The following RPL26L1 variants were observed in gnomAD, a reference collection of about 807,000 sequenced individuals.
RPL26L1 encodes ribosomal protein uL24-like.
In RPL26L1, 8 loss-of-function variants were observed where a neutral mutation model predicts 15.2. The observed-to-expected ratio is 0.53, with a 90% CI of 0.31 to 0.95. RPL26L1 has a LOEUF of 0.95. RPL26L1 is among the 40% of genes least tolerant of loss of function. The pLI is 0.05. For missense variants in RPL26L1, 146 were observed against 190.9 expected, an observed-to-expected ratio of 0.76 and a Z score of 1.39; for synonymous variants, 51 against 65.9, an observed-to-expected ratio of 0.77 and a Z score of 1.09.
At chr5:172,957,920 G>T, upstream of RPL26L1, 1 of 180,612 alleles carries the variant, frequency 5.5e-6, no homozygotes, top group Non-Finnish European at 1.2e-5. Flanking sequence ...CCCAGGTGTG[G>T]CCATCCTCCA....
chr5:172,960,890 T>C (rs989045533), intron 2 of RPL26L1, among the ~76,000 whole-genome samples: 54 of 122,564 alleles, frequency 4.4e-4, no homozygotes, highest in African/African-American at 1.7e-3. Flanking sequence ...ATTGATATGT[T>C]GGACTGGATA....
At chr5:172,957,216 G>C (rs538749967), upstream of RPL26L1, 102 of 456,274 alleles carry the variant, frequency 2.2e-4, no homozygotes, top group Middle Eastern at 9.8e-4. Context: ...GTGGGCATGA[G>C]ACAAGACAGC....
At chr5:172,967,467 A>AAAATAAATAAATAAATAAATAAAT (rs568434838) in intron 2 of RPL26L1, among the ~76,000 whole-genome samples, 13 of 152,072 alleles carry the variant, frequency 8.5e-5, no homozygotes, top group African/African-American at 2.9e-4. Context: ...CTCCGTGTCA[A>AAAATAAATAAATAAATAAATAAAT]AAATAAATAA....
intron 2 of RPL26L1, among the ~76,000 whole-genome samples, chr5:172,962,591 G>A (rs1755279822): frequency 6.6e-6 from 1 of 151,986 alleles, no homozygotes; most frequent in Non-Finnish European, 1.5e-5. Context: ...GCTGTGGCAG[G>A]CAGATCATGA....
chr5:172,957,162 TC>T (rs749673193), upstream of RPL26L1: 1 of 456,020 alleles, frequency 2.2e-6, no homozygotes, highest in South Asian at 1.5e-5. Context: ...ACCAGACACT[TC>T]CTCTGTGCTA....
intron 2 of RPL26L1, among the ~76,000 whole-genome samples, chr5:172,964,392 TCTC>T (rs1755372288): frequency 6.7e-6 from 1 of 148,412 alleles, no homozygotes; most frequent in Non-Finnish European, 1.5e-5. Flanking sequence ...TTCAAGCCAT[TCTC>T]CTCCCTCAGC....
chr5:172,962,083 T>A (rs761861303), intron 2 of RPL26L1, among the ~76,000 whole-genome samples: 10 of 152,256 alleles, frequency 6.6e-5, no homozygotes, highest in Non-Finnish European at 1.2e-4. Flanking sequence ...CCATCAAGGC[T>A]TGTTGATTCT....
upstream of RPL26L1, chr5:172,957,591 T>C: frequency 3.6e-6 from 1 of 276,150 alleles, no homozygotes; most frequent in East Asian, 1.0e-4. Context: ...GATAGAGAAA[T>C]GAGTGAATAA....
At chr5:172,961,517 C>T (rs998912080) in intron 2 of RPL26L1, among the ~76,000 whole-genome samples, 12 of 152,204 alleles carry the variant, frequency 7.9e-5, no homozygotes, top group African/African-American at 2.9e-4. Context: ...CCAGCTACTA[C>T]ACTTTGTTCT....
upstream of RPL26L1, chr5:172,958,179 G>A (rs1228091155): frequency 1.4e-5 from 5 of 356,198 alleles, no homozygotes; most frequent in Non-Finnish European, 2.8e-5. Flanking sequence ...CAGGAGAATC[G>A]CTTGAACTTG....
At chr5:172,956,688 A>G (rs1754987130), upstream of RPL26L1, among the ~76,000 whole-genome samples, 1 of 152,176 alleles carries the variant, frequency 6.6e-6, no homozygotes, top group Non-Finnish European at 1.5e-5. Flanking sequence ...CTGTAATCCC[A>G]GCACTTTGGG....
At position 172,959,457 on chromosome 5, in the gene RPL26L1, G is replaced by A. The variant is rs185099622; in HGVS notation, c.-21G>A. 1.6e-4 allele frequency: 164 copies of A among 1,015,344 alleles called. No individual in the cohort carries two copies. In the African/African-American group the frequency reaches 2.6e-3, roughly 16 times the overall value. The allele number at this position is 1,015,344 out of a possible 1,614,324, so 62.9% of individuals were successfully genotyped here. ...CCCTGCGCACTCAGGGTCTGAGGCA[G>A]CTAGTAGCCGGGTGAGTGGAGGCTG... On this transcript the variant is annotated 5_prime_UTR_variant, in exon 1 of 4. Transcript: ENST00000265100.
chr5:172,958,488 G>C (rs1755070319), upstream of RPL26L1: 2 of 455,374 alleles, frequency 4.4e-6, no homozygotes, highest in African/African-American at 4.0e-5. Context: ...AGGGAGAGTT[G>C]GAGTTAATAA....
chr5:172,964,714 C>T (rs1241654292), intron 2 of RPL26L1, among the ~76,000 whole-genome samples: 7 of 152,236 alleles, frequency 4.6e-5, no homozygotes, highest in Admixed American at 2.6e-4. Context: ...CCTCCTCTCA[C>T]GGGATCTTCT....
intron 3 of RPL26L1, among the ~76,000 whole-genome samples, chr5:172,969,185 G>A (rs78426297): frequency 0.056 from 8,475 of 152,098 alleles, 611 homozygotes; most frequent in African/African-American, 0.16. Context: ...AATATTCAGA[G>A]GAATAAGAGA....
At chr5:172,959,702 A>C in intron 1 of RPL26L1, 163 bp from the exon 2 acceptor site, 1 of 1,082,238 alleles carries the variant, frequency 9.2e-7, no homozygotes, top group Admixed American at 2.5e-5. Context: ...ACTTTATGTG[A>C]TAGTCAGACT....
chr5:172,964,240 G>T (rs1035624077), intron 2 of RPL26L1, among the ~76,000 whole-genome samples: 3 of 148,238 alleles, frequency 2.0e-5, no homozygotes, highest in Non-Finnish European at 4.4e-5. Flanking sequence ...CTCCCAAAGT[G>T]CTGGGATTAC....
rs559560261 is a variant in RPL26L1, at chr5:172,969,694, A to G, written c.*153A>G. ...TTTTGCAATTTTAAGTAATAATTTTATGAATAAAAATGGGAAATGCTTCCT... is the reference window on the plus strand; with the variant it reads ...TTTTGCAATTTTAAGTAATAATTTTGTGAATAAAAATGGGAAATGCTTCCT... On this transcript the variant is annotated 3_prime_UTR_variant, in exon 4 of 4. Coordinates refer to ENST00000265100, the MANE Select transcript of RPL26L1 (RefSeq NM_016093.4). 3.1e-6 allele frequency: 2 copies of G among 649,168 alleles called. No individual in the cohort carries two copies. The highest frequency in any genetic ancestry group is 5.0e-6 in the Non-Finnish European group (2 of 399,560). 40.2% of individuals were successfully genotyped at this position (649,168 alleles called of 1,614,324 possible).
chr5:172,958,455 C>T (rs1290978346), upstream of RPL26L1: 1 of 456,058 alleles, frequency 2.2e-6, no homozygotes, highest in Non-Finnish European at 4.4e-6. Flanking sequence ...TGTCGTTCAA[C>T]ATATATGGAA....
Sources: allele counts gnomAD v4.1 joint callset (sites outside exome capture counted in the v4.1 genomes callset), GRCh38; gene constraint gnomAD v4.1.1; transcripts MANE v1.5; gene names NCBI Gene and HGNC (gene_info 2026-07-23, HGNC 2026-07-21).